ADAMTS6: variants seen among roughly 807,000 people sequenced by gnomAD.
ADAMTS6 encodes the protein A disintegrin and metalloproteinase with thrombospondin motifs 6.
ADAMTS6 carries 23 observed loss-of-function variants against 144.3 expected under a neutral mutation model. That is an observed-to-expected ratio of 0.16 (90% CI 0.11 to 0.23). The LOEUF (loss-of-function observed/expected upper bound fraction) is 0.23, where lower values mean the gene tolerates loss of function less well. ADAMTS6 is among the 10% of genes least tolerant of loss of function. The pLI is 1.00. For missense variants in ADAMTS6, 999 were observed against 1,379.6 expected, an observed-to-expected ratio of 0.72 and a Z score of 4.37; for synonymous variants, 444 against 457.5, an observed-to-expected ratio of 0.97 and a Z score of 0.38.
intron 24 of ADAMTS6, among the ~76,000 whole-genome samples, chr5:65,164,510 G>T (rs1261894280): frequency 7.7e-6 from 1 of 129,188 alleles, no homozygotes; most frequent in Non-Finnish European, 1.7e-5. Context: ...CGGGAAGCTC[G>T]AACTGGGTGG....
At chr5:65,197,905 AT>A (rs1755489887) in intron 20 of ADAMTS6, among the ~76,000 whole-genome samples, 1 of 152,234 alleles carries the variant, frequency 6.6e-6, no homozygotes, top group Non-Finnish European at 1.5e-5. Flanking sequence ...AAAATATTAA[AT>A]ATATGTCAAT....
At chr5:65,344,667 G>A (rs190243993) in intron 7 of ADAMTS6, among the ~76,000 whole-genome samples, 1 of 151,856 alleles carries the variant, frequency 6.6e-6, no homozygotes, top group African/African-American at 2.4e-5. Flanking sequence ...TCCAAGGAGT[G>A]AAACATATTT....
intron 14 of ADAMTS6, among the ~76,000 whole-genome samples, chr5:65,257,153 T>A (rs1411931087): frequency 6.6e-6 from 1 of 151,914 alleles, no homozygotes; most frequent in Non-Finnish European, 1.5e-5. Context: ...AGGAGTTTGA[T>A]AGCCTGTTCA....
chr5:65,282,990 C>T (rs1763103471), intron 11 of ADAMTS6, among the ~76,000 whole-genome samples: 1 of 152,002 alleles, frequency 6.6e-6, no homozygotes, highest in Non-Finnish European at 1.5e-5. Flanking sequence ...ACTTTTGGCC[C>T]TTGGGAAACT....
intron 14 of ADAMTS6, among the ~76,000 whole-genome samples, chr5:65,252,790 T>C (rs991039702): frequency 4.7e-5 from 7 of 149,328 alleles, no homozygotes; most frequent in African/African-American, 1.5e-4. Context: ...ATGGGCTATG[T>C]AGACTGGGTT....
intron 7 of ADAMTS6, among the ~76,000 whole-genome samples, chr5:65,367,182 G>A (rs566489525): frequency 1.1e-4 from 16 of 152,000 alleles, no homozygotes; most frequent in Non-Finnish European, 2.2e-4. Context: ...TTTAGTATTC[G>A]GCATACACAG....
intron 7 of ADAMTS6, among the ~76,000 whole-genome samples, chr5:65,363,514 A>C (rs1349067241): frequency 1.3e-5 from 2 of 152,198 alleles, no homozygotes; most frequent in Admixed American, 6.5e-5. Context: ...TTTTCATCCC[A>C]AAATGGTACT....
chr5:65,451,686 T>C lies in ADAMTS6; in HGVS notation c.928-66A>G, dbSNP rs11960235. The stretch of plus-strand genomic sequence containing the variant: ...TACTAAGGTCAGTTGTTAAAACTTT[T>C]GAAGACTGAAGTGGGACTATAATTA... On this transcript the variant is annotated intron_variant, in intron 6 of 24. Transcript: ENST00000381055. The C allele has an allele frequency of 5.8e-3, 8,982 of 1,561,748 alleles. 388 individuals carry two copies. The African/African-American group carries it at 0.1, about 17-fold the overall frequency.
rs533325464 is a variant in ADAMTS6, at chr5:65,177,914, C to T, written c.2911-4906G>A. Reference sequence around the variant, plus strand: ...GATTCCACAACCTGGAGTAATAAGTCGTGCCAAGCTCTCTCTGCTATATCC... The same window carrying T: ...GATTCCACAACCTGGAGTAATAAGTTGTGCCAAGCTCTCTCTGCTATATCC... On this transcript the variant is annotated intron_variant, in intron 22 of 24. Transcript: ENST00000381055. Among the ~76,000 whole-genome samples, 6 of 152,274 alleles carry T rather than the reference C, an allele frequency of 3.9e-5. No homozygotes were observed. In the East Asian group the frequency reaches 7.7e-4, roughly 20 times the overall value.
At chr5:65,169,343 C>G (rs1237826619) in intron 24 of ADAMTS6, among the ~76,000 whole-genome samples, 1 of 136,310 alleles carries the variant, frequency 7.3e-6, no homozygotes, top group Non-Finnish European at 1.6e-5. Context: ...GAGATATCAT[C>G]TCACACCAGT....
intron 8 of ADAMTS6, among the ~76,000 whole-genome samples, chr5:65,329,723 T>G (rs1194144529): frequency 1.3e-5 from 2 of 152,140 alleles, no homozygotes; most frequent in African/African-American, 4.8e-5. Context: ...GGGGTTAGAT[T>G]TATAAATTTT....
intron 11 of ADAMTS6, among the ~76,000 whole-genome samples, chr5:65,282,554 TACAAGAGACAGC>T (rs1763065424): frequency 6.6e-6 from 1 of 152,098 alleles, no homozygotes; most frequent in Non-Finnish European, 1.5e-5. Context: ...GTCTTCTCCC[TACAAGAGACAGC>T]TCTACAGGGC....
rs1259675240 is a variant in ADAMTS6 at position 65,150,758 on chromosome 5, G to T, written c.*1078C>A. ...AATGCCCTTCTACCATATCAAAGAAGGGACATCTGGAACTCATCGTAATTG... is the reference window on the plus strand; with the variant it reads ...AATGCCCTTCTACCATATCAAAGAATGGACATCTGGAACTCATCGTAATTG... On this transcript the variant is annotated 3_prime_UTR_variant, in exon 25 of 25. Transcript: ENST00000381055. 6.6e-6 allele frequency: 1 copy of T among 152,650 alleles called. No homozygotes were observed. Among genetic ancestry groups the T allele is most frequent in the Non-Finnish European group, 1.5e-5 (1 of 68,042 alleles). 9.5% of individuals were successfully genotyped at this position (152,650 alleles called of 1,614,324 possible).
intron 11 of ADAMTS6, among the ~76,000 whole-genome samples, chr5:65,284,117 A>G (rs1763188621): frequency 1.3e-5 from 2 of 152,122 alleles, no homozygotes; most frequent in Non-Finnish European, 2.9e-5. Flanking sequence ...TGAAAGAATG[A>G]TTCTCAATAA....
chr5:65,481,043 A>T (rs550393718), intron 1 of ADAMTS6, among the ~76,000 whole-genome samples: 36 of 152,312 alleles, frequency 2.4e-4, no homozygotes, highest in African/African-American at 8.7e-4. Context: ...AGATTACAAT[A>T]ATCATAATCA....
intron 7 of ADAMTS6, among the ~76,000 whole-genome samples, chr5:65,372,406 AG>A: frequency 1.3e-5 from 2 of 151,940 alleles, no homozygotes; most frequent in South Asian, 4.2e-4. Flanking sequence ...AAAAGGATGG[AG>A]GAAGATCTAC....
intron 11 of ADAMTS6, among the ~76,000 whole-genome samples, chr5:65,290,074 G>A (rs1389318): frequency 0.56 from 85,366 of 151,978 alleles, 24,648 homozygotes; most frequent in African/African-American, 0.7. Context: ...GTGCACAAAT[G>A]TGCTGCTAAA....
At chr5:65,179,699 A>G (rs966379310) in intron 22 of ADAMTS6, among the ~76,000 whole-genome samples, 1 of 152,208 alleles carries the variant, frequency 6.6e-6, no homozygotes, top group Admixed American at 6.5e-5. Flanking sequence ...AAAAAAATGA[A>G]TGAAATAGTC....
chr5:65,285,215 G>A (rs987475649), intron 11 of ADAMTS6, among the ~76,000 whole-genome samples: 4 of 152,008 alleles, frequency 2.6e-5, no homozygotes, highest in Non-Finnish European at 5.9e-5. Flanking sequence ...GAAACTTAAC[G>A]TGGCCTATAA....
Sources: gnomAD v4.1 joint callset for allele counts (sites outside exome capture counted in the v4.1 genomes callset) on GRCh38, gnomAD v4.1.1 for gene constraint, MANE v1.5 for transcripts, NCBI Gene and HGNC (gene_info 2026-07-23, HGNC 2026-07-21) for gene names.